Variants in TXNDC15 observed in about 807,000 individuals in gnomAD.
TXNDC15 encodes the protein thioredoxin domain-containing protein 15.
In TXNDC15, 24 loss-of-function variants were observed where a neutral mutation model predicts 35.0. The observed-to-expected ratio is 0.68, with a 90% CI of 0.50 to 0.96. The LOEUF is 0.96. Among genes scored for constraint, TXNDC15 ranks in the 40% least tolerant of loss-of-function variants. The pLI, the probability that TXNDC15 is intolerant of heterozygous loss-of-function variation, is 0.00. For synonymous variants in TXNDC15, 169 were observed against 174.0 expected (o/e 0.97, Z 0.23); for missense variants, 385 against 453.3 (o/e 0.85, Z 1.37).
intron 1 of TXNDC15, among the ~76,000 whole-genome samples, chr5:134,883,587 C>CAAAAAAA (rs60114636): frequency 1.2e-4 from 8 of 65,358 alleles, no homozygotes; most frequent in African/African-American, 5.3e-4. Flanking sequence ...GACCCTGTCT[C>CAAAAAAA]AAAAAAAAAA....
At chr5:134,891,814 G>T (rs1436100980) in intron 2 of TXNDC15, among the ~76,000 whole-genome samples, 3 of 152,136 alleles carry the variant, frequency 2.0e-5, no homozygotes, top group Non-Finnish European at 4.4e-5. Context: ...TACTTGGGAG[G>T]CTGAGGCAGG....
intron 1 of TXNDC15, among the ~76,000 whole-genome samples, chr5:134,886,780 C>T (rs1750283683): frequency 6.6e-6 from 1 of 152,208 alleles, no homozygotes; most frequent in East Asian, 1.9e-4. Context: ...TGGCAGGGAG[C>T]CTACGGCTCG....
chr5:134,893,727 G>A, intron 3 of TXNDC15, 72 bp downstream of exon 3: 1 of 1,590,680 alleles, frequency 6.3e-7, no homozygotes, highest in Non-Finnish European at 8.6e-7. Context: ...GTCCTAATTA[G>A]TTAAGTTAGA....
At chr5:134,898,641 G>A (rs1427656059) in intron 4 of TXNDC15, among the ~76,000 whole-genome samples, 10 of 152,186 alleles carry the variant, frequency 6.6e-5, no homozygotes, top group Admixed American at 1.3e-4. Context: ...TTGTCATTTC[G>A]ATTGATGTGT....
At chr5:134,883,587 C>CAAAAAAAAAAAAAAAAAAAA (rs60114636) in intron 1 of TXNDC15, among the ~76,000 whole-genome samples, 17 of 65,358 alleles carry the variant, frequency 2.6e-4, no homozygotes, top group African/African-American at 1.2e-3. Context: ...GACCCTGTCT[C>CAAAAAAAAAAAAAAAAAAAA]AAAAAAAAAA....
intron 1 of TXNDC15, among the ~76,000 whole-genome samples, chr5:134,882,577 C>T (rs1223766463): frequency 2.0e-5 from 3 of 152,254 alleles, no homozygotes; most frequent in East Asian, 1.9e-4. Context: ...GAAGGAGACT[C>T]CTGCAATCCC....
intron 2 of TXNDC15, 31 bp from the exon 3 acceptor site, chr5:134,893,461 C>T: frequency 6.2e-7 from 1 of 1,611,310 alleles, no homozygotes; most frequent in Non-Finnish European, 8.5e-7. Context: ...ACTTTTACTG[C>T]TAACTTTAAT....
chr5:134,878,699 C>G (rs1448876218), intron 1 of TXNDC15, among the ~76,000 whole-genome samples: 1 of 152,180 alleles, frequency 6.6e-6, no homozygotes, highest in Non-Finnish European at 1.5e-5. Context: ...ACTGCAGTCT[C>G]TTAAAAGGCA....
Position 134,887,803 on chromosome 5 carries a change from A to T in TXNDC15, c.212A>T (p.Gln71Leu). The change falls in exon 2 of 5, where the codon CAG becomes CTG. Residue 71 changes from glutamine to leucine, a missense_variant. By Grantham distance (113) the Gln-to-Leu change is moderately radical. Coordinates refer to ENST00000358387, the MANE Select transcript of TXNDC15 (RefSeq NM_024715.4). ...GAGCTCCTGCATGACCCGATGGGCC[A>T]GGACAGGGCAGCAGAAGAGGCCAAT... ...EEELLHDPMG[Q>L]DRAAEEANAV... is the part of the protein sequence containing the mutation. 2 of 1,614,190 alleles carry T rather than the reference A, an allele frequency of 1.2e-6. No homozygotes were observed. Among genetic ancestry groups the T allele is most frequent in the Middle Eastern group, 1.6e-4 (1 of 6,062 alleles).
At position 134,874,679 on chromosome 5, in the gene TXNDC15, C is replaced by T. The variant is rs1454091720; in HGVS notation, c.103+149C>T. The T allele has an allele frequency of 6.2e-6, 4 of 644,018 alleles. No individual in the cohort carries two copies. The Admixed American group carries it at 1.2e-4, about 19-fold the overall frequency. 39.9% of individuals were successfully genotyped at this position (644,018 alleles called of 1,614,324 possible). A position where few individuals can be genotyped will look rare whatever the true frequency, so the allele number is the denominator to read the frequency against. On this transcript the variant is annotated intron_variant, in intron 1 of 4. Transcript: ENST00000358387. The stretch of plus-strand genomic sequence containing the variant: ...CGCGTCTCCCCGACTTCTCTCCCCG[C>T]GCACCGCCCGCTGGTGGCCCGCGAA...
chr5:134,894,237 C>T (rs757519858), intron 3 of TXNDC15, among the ~76,000 whole-genome samples: 6 of 152,144 alleles, frequency 3.9e-5, no homozygotes, highest in Non-Finnish European at 5.9e-5. Flanking sequence ...TTATATTTCT[C>T]GTGTATCATT....
rs765342256 is a variant in TXNDC15 at position 134,887,904 on chromosome 5, G to C, written c.313G>C (p.Val105Leu). ...SVIPGEAEDK[V>L]SSEPSGVTCG... is the part of the protein sequence containing the mutation. ...GATTCCTGGGGAAGCTGAGGACAAA[G>C]TGAGTTCAGAGCCTAGCGGCGTCAC... Residue 105 changes from valine to leucine, a missense_variant, in exon 2 of 5, where the codon GTG becomes CTG. Physicochemically the swap from Val to Leu is conservative, Grantham distance 32. Transcript: ENST00000358387. 1.9e-6 allele frequency: 3 copies of C among 1,614,232 alleles called. No individual in the cohort carries two copies. Among genetic ancestry groups the C allele is most frequent in the Non-Finnish European group, 2.5e-6 (3 of 1,180,042 alleles).
chr5:134,887,604 G>A, intron 1 of TXNDC15, 91 bp from the exon 2 acceptor site: 1 of 1,489,128 alleles, frequency 6.7e-7, no homozygotes, highest in Non-Finnish European at 9.0e-7. Context: ...TCTCCAGAGG[G>A]GAAAATTTCG....
chr5:134,882,694 G>C (rs994780203), intron 1 of TXNDC15, among the ~76,000 whole-genome samples: 2 of 152,186 alleles, frequency 1.3e-5, no homozygotes, highest in Non-Finnish European at 2.9e-5. Flanking sequence ...ACGAAAACCA[G>C]TCAGGCGTGG....
chr5:134,880,422 G>A lies in TXNDC15; in HGVS notation c.103+5892G>A, dbSNP rs886242989. 1.4e-4 allele frequency among the ~76,000 whole-genome samples: 21 copies of A among 151,402 alleles called. 1 individual carries two copies. The highest frequency in any genetic ancestry group is 1.2e-3 in the Admixed American group (18 of 15,204). On this transcript the variant is annotated intron_variant, in intron 1 of 4. Coordinates refer to ENST00000358387, the MANE Select transcript of TXNDC15 (RefSeq NM_024715.4). ...TTTGTATGTCTGAAGAAGTGAAGAAGTATTTATTTCACTTATTATTTTTTT... is the reference window on the plus strand; with the variant it reads ...TTTGTATGTCTGAAGAAGTGAAGAAATATTTATTTCACTTATTATTTTTTT...
chr5:134,893,750 G>T (rs1750436601), intron 3 of TXNDC15, 95 bp downstream of exon 3: 1 of 1,516,190 alleles, frequency 6.6e-7, no homozygotes, highest in Non-Finnish European at 9.0e-7. Context: ...CAGAAGAGGG[G>T]GGGCATGAAC....
chr5:134,897,342 G>C (rs980533319), intron 4 of TXNDC15, among the ~76,000 whole-genome samples: 1 of 152,064 alleles, frequency 6.6e-6, no homozygotes. Flanking sequence ...CTGCCTCCTG[G>C]GTTAAAACGA....
intron 1 of TXNDC15, among the ~76,000 whole-genome samples, chr5:134,885,838 T>C (rs1430185565): frequency 6.6e-6 from 1 of 150,588 alleles, no homozygotes; most frequent in Non-Finnish European, 1.5e-5. Context: ...ACTGTTGTTT[T>C]ATATATATTA....
intron 1 of TXNDC15, among the ~76,000 whole-genome samples, chr5:134,887,036 T>TA: frequency 6.6e-6 from 1 of 152,246 alleles, no homozygotes; most frequent in East Asian, 1.9e-4. Context: ...ATGAAACTCT[T>TA]ATCAAAAAAT....
Sources: gnomAD v4.1 joint callset for allele counts (sites outside exome capture counted in the v4.1 genomes callset) on GRCh38, gnomAD v4.1.1 for gene constraint, MANE v1.5 for transcripts, NCBI Gene and HGNC (gene_info 2026-07-23, HGNC 2026-07-21) for gene names.